The following LRP1B variants were observed in gnomAD, a reference collection of about 807,000 sequenced individuals.
The protein encoded by LRP1B is low-density lipoprotein receptor-related protein 1B.
A neutral mutation model predicts 556.6 loss-of-function variants in LRP1B; 217 were observed. The observed-to-expected ratio is 0.39, with a 90% CI of 0.35 to 0.44. The LOEUF (loss-of-function observed/expected upper bound fraction) is 0.44. Among genes scored for constraint, LRP1B ranks in the 20% least tolerant of loss-of-function variants. The pLI is 1.00. For missense variants in LRP1B, 5,053 were observed against 5,620.8 expected (o/e 0.90, Z 3.23); for synonymous variants, 2,047 against 1,865.8 (o/e 1.10, Z -2.50).
intron 7 of LRP1B, among the ~76,000 whole-genome samples, chr2:141,168,929 TG>T (rs1038991175): frequency 1.5e-4 from 23 of 152,056 alleles, no homozygotes; most frequent in African/African-American, 5.1e-4. Context: ...TAAGGACAAA[TG>T]TGGTACTCAA....
At chr2:141,863,862 C>G (rs1358498882) in intron 1 of LRP1B, among the ~76,000 whole-genome samples, 2 of 151,632 alleles carry the variant, frequency 1.3e-5, no homozygotes, top group African/African-American at 2.4e-5. Flanking sequence ...GGTCGCATAA[C>G]CCTAGTAATT....
At chr2:140,281,179 T>A (rs1682897745) in intron 84 of LRP1B, among the ~76,000 whole-genome samples, 1 of 151,948 alleles carries the variant, frequency 6.6e-6, no homozygotes, top group South Asian at 2.1e-4. Flanking sequence ...TTTCCTTTAA[T>A]CTTTTCACAG....
intron 1 of LRP1B, among the ~76,000 whole-genome samples, chr2:142,128,836 A>G (rs1707750112): frequency 6.6e-6 from 1 of 152,218 alleles, no homozygotes; most frequent in South Asian, 2.1e-4. Flanking sequence ...CACCAAATAT[A>G]ATCCTCTTAG....
chr2:140,245,307 ACT>A (rs1233413922), intron 87 of LRP1B, among the ~76,000 whole-genome samples: 2 of 151,248 alleles, frequency 1.3e-5, no homozygotes, highest in African/African-American at 2.4e-5. Context: ...TGGAGACCCC[ACT>A]CTCTAACGGG....
At chr2:140,611,769 C>G (rs1209183028) in intron 41 of LRP1B, among the ~76,000 whole-genome samples, 7 of 151,996 alleles carry the variant, frequency 4.6e-5, no homozygotes, top group African/African-American at 1.7e-4. Flanking sequence ...AAATTACATA[C>G]ACATAATAAA....
chr2:141,728,413 C>T (rs963596764), intron 2 of LRP1B, among the ~76,000 whole-genome samples: 3 of 152,084 alleles, frequency 2.0e-5, no homozygotes, highest in African/African-American at 7.2e-5. Flanking sequence ...CCACAAGCTC[C>T]TAATAAAGGA....
intron 43 of LRP1B, among the ~76,000 whole-genome samples, chr2:140,594,463 A>G (rs1365241927): frequency 6.6e-6 from 1 of 152,238 alleles, no homozygotes; most frequent in Non-Finnish European, 1.5e-5. Flanking sequence ...CTATGGTCTA[A>G]TTCCTAAAGA....
At chr2:140,674,969 T>C (rs910320492) in intron 41 of LRP1B, among the ~76,000 whole-genome samples, 7 of 152,236 alleles carry the variant, frequency 4.6e-5, no homozygotes, top group Non-Finnish European at 4.4e-5. Context: ...AGCTGCTTCC[T>C]TCTAGAGACT....
chr2:140,926,293 A>G (rs1426890055), intron 20 of LRP1B, among the ~76,000 whole-genome samples: 1 of 152,066 alleles, frequency 6.6e-6, no homozygotes, highest in Non-Finnish European at 1.5e-5. Flanking sequence ...TATTCTCCCC[A>G]GCCTGGATTG....
chr2:140,820,242 A>G (rs1275058468), intron 31 of LRP1B, among the ~76,000 whole-genome samples: 2 of 152,188 alleles, frequency 1.3e-5, no homozygotes, highest in African/African-American at 4.8e-5. Context: ...AGCCTCTCAA[A>G]GTACTGGAAT....
chr2:140,952,579 T>C (rs890083559), intron 18 of LRP1B, among the ~76,000 whole-genome samples: 2 of 152,074 alleles, frequency 1.3e-5, no homozygotes, highest in Admixed American at 1.3e-4. Context: ...AGATGAATTT[T>C]ACATAATTAA....
intron 7 of LRP1B, among the ~76,000 whole-genome samples, chr2:141,091,242 A>T (rs1050569036): frequency 3.9e-5 from 6 of 152,168 alleles, no homozygotes; most frequent in Non-Finnish European, 5.9e-5. Flanking sequence ...TTTTGCTCTG[A>T]ATGAAAACAG....
At chr2:140,627,318 G>C (rs995560789) in intron 41 of LRP1B, among the ~76,000 whole-genome samples, 6 of 152,172 alleles carry the variant, frequency 3.9e-5, no homozygotes, top group Admixed American at 6.5e-5. Flanking sequence ...ACCCTAATCT[G>C]AGTCAGCTGC....
At chr2:141,945,565 T>C (rs1005992544) in intron 1 of LRP1B, among the ~76,000 whole-genome samples, 44 of 151,878 alleles carry the variant, frequency 2.9e-4, no homozygotes, top group African/African-American at 1.0e-3. Context: ...ATCTCCACAA[T>C]TGATCTAAAT....
intron 6 of LRP1B, among the ~76,000 whole-genome samples, chr2:141,225,267 C>T (rs1431905984): frequency 6.6e-6 from 1 of 152,052 alleles, no homozygotes; most frequent in East Asian, 1.9e-4. Flanking sequence ...AAATGTGATC[C>T]TTGAGTTTTT....
At chr2:141,415,600 C>T (rs981798253) in intron 3 of LRP1B, among the ~76,000 whole-genome samples, 8 of 152,250 alleles carry the variant, frequency 5.3e-5, no homozygotes, top group Admixed American at 3.9e-4. Flanking sequence ...TTTTCCTCCT[C>T]GACTTACTCC....
At chr2:141,211,278 A>G (rs1002501305) in intron 6 of LRP1B, among the ~76,000 whole-genome samples, 22 of 150,798 alleles carry the variant, frequency 1.5e-4, no homozygotes, top group African/African-American at 5.1e-4. Flanking sequence ...ATGAGACACC[A>G]TGCCCAGCCC....
chr2:142,115,751 A>ATATATGTAATATATATAT (rs1707230107), intron 1 of LRP1B, among the ~76,000 whole-genome samples: 2 of 28,264 alleles, frequency 7.1e-5, no homozygotes, highest in Non-Finnish European at 6.3e-5. Context: ...TATATATATT[A>ATATATGTAATATATATAT]TATATATGTA....
intron 2 of LRP1B, among the ~76,000 whole-genome samples, chr2:141,802,291 C>A (rs1696032656): frequency 6.6e-6 from 1 of 152,038 alleles, no homozygotes; most frequent in Non-Finnish European, 1.5e-5. Context: ...CTCTTTCCCT[C>A]CCAAGGTATC....
Sources: allele counts gnomAD v4.1 joint callset (sites outside exome capture counted in the v4.1 genomes callset), GRCh38; gene constraint gnomAD v4.1.1; transcripts MANE v1.5; gene names NCBI Gene and HGNC (gene_info 2026-07-23, HGNC 2026-07-21).